Variants in TMEM132C observed in about 807,000 individuals in gnomAD.
TMEM132C encodes the protein transmembrane protein 132C, also known as protein phosphatase 1, regulatory subunit 152.
TMEM132C carries 29 observed loss-of-function variants against 61.4 expected under a neutral mutation model. That is an observed-to-expected ratio of 0.47 (90% CI 0.35 to 0.64). The LOEUF (loss-of-function observed/expected upper bound fraction) is 0.64, where lower values mean the gene tolerates loss of function less well. TMEM132C is among the 30% of genes least tolerant of loss of function. The pLI, the probability that TMEM132C is intolerant of heterozygous loss-of-function variation, is 0.00. For missense variants in TMEM132C, 1,408 were observed against 1,476.9 expected (o/e 0.95, Z 0.76); for synonymous variants, 656 against 633.1 (o/e 1.04, Z -0.54).
rs548409999 is a variant in TMEM132C, at chr12:128,559,076, A to G, written c.1121+14973A>G. ...TGCAGTTTAACACATACCTTTCCGA[A>G]AATATTTCATGCATATGCAAACACA... On this transcript the variant is annotated intron_variant, in intron 3 of 8. Transcript: ENST00000435159. 2.0e-5 allele frequency among the ~76,000 whole-genome samples: 3 copies of G among 151,140 alleles called. No homozygotes were observed. The East Asian group carries it at 5.8e-4, about 29-fold the overall frequency.
chr12:128,312,717 C>G lies in TMEM132C; in HGVS notation c.85+45230C>G, dbSNP rs554844157. On this transcript the variant is annotated intron_variant, in intron 1 of 8. Transcript: ENST00000435159. The stretch of plus-strand genomic sequence containing the variant: ...TGAGAGCATCCAGGAGAGTCCAACC[C>G]TGCCAACACCTTGATTTCAGACTTC... Among the ~76,000 whole-genome samples, 3 of 152,310 alleles carry G rather than the reference C, an allele frequency of 2.0e-5. No homozygotes were observed. The South Asian group carries it at 6.2e-4, about 32-fold the overall frequency.
chr12:128,609,291 C>A lies in TMEM132C; in HGVS notation c.1122-6861C>A, dbSNP rs990239222. Among the ~76,000 whole-genome samples, 91 of 144,536 alleles carry A rather than the reference C, an allele frequency of 6.3e-4. 8 individuals carry two copies. The highest frequency in any genetic ancestry group is 2.2e-3 in the African/African-American group (85 of 38,652). 94.8% of individuals were successfully genotyped at this position (144,536 alleles called of 152,430 possible). ...CCCCCACCTCCCTGCAACACTGTAG[C>A]CCCCGCCTCCCTGCAACCCTGCTAT... On this transcript the variant is annotated intron_variant, in intron 3 of 8. Transcript: ENST00000435159.
At chr12:128,309,590 G>C (rs944235307) in intron 1 of TMEM132C, among the ~76,000 whole-genome samples, 5 of 152,116 alleles carry the variant, frequency 3.3e-5, no homozygotes, top group African/African-American at 1.2e-4. Context: ...CAGTCTCTGT[G>C]AGTTTGCCTG....
At chr12:128,441,142 A>G (rs1869770520) in intron 2 of TMEM132C, among the ~76,000 whole-genome samples, 1 of 152,254 alleles carries the variant, frequency 6.6e-6, no homozygotes, top group Non-Finnish European at 1.5e-5. Flanking sequence ...TGTCACAAAG[A>G]AAGTCAGGCA....
intron 1 of TMEM132C, among the ~76,000 whole-genome samples, chr12:128,409,189 C>T (rs1197826011): frequency 6.6e-6 from 1 of 152,140 alleles, no homozygotes. Flanking sequence ...AGCATAAGCT[C>T]ATGGGGGATC....
At chr12:128,357,170 T>G (rs1873533791) in intron 1 of TMEM132C, among the ~76,000 whole-genome samples, 1 of 152,170 alleles carries the variant, frequency 6.6e-6, no homozygotes, top group African/African-American at 2.4e-5. Flanking sequence ...AGTATCGGGT[T>G]ACTTTGGGGA....
At chr12:128,372,194 G>A (rs7295647) in intron 1 of TMEM132C, among the ~76,000 whole-genome samples, 55 of 152,336 alleles carry the variant, frequency 3.6e-4, no homozygotes, top group African/African-American at 1.3e-3. Flanking sequence ...GAGAAACCAA[G>A]TCCTATGACA....
At chr12:128,325,893 C>T (rs943298303) in intron 1 of TMEM132C, among the ~76,000 whole-genome samples, 3 of 152,050 alleles carry the variant, frequency 2.0e-5, no homozygotes, top group African/African-American at 7.2e-5. Context: ...CTAGCAGTTT[C>T]CTTGAGTGCA....
chr12:128,615,590 A>G (rs116713569), intron 3 of TMEM132C, among the ~76,000 whole-genome samples: 3,465 of 152,180 alleles, frequency 0.023, 106 homozygotes, highest in African/African-American at 0.077. Context: ...TCATGCCCCT[A>G]TGAGAATCTA....
At chr12:128,606,593 C>G (rs1247480551) in intron 3 of TMEM132C, among the ~76,000 whole-genome samples, 1 of 152,232 alleles carries the variant, frequency 6.6e-6, no homozygotes, top group Non-Finnish European at 1.5e-5. Flanking sequence ...CAGACTTCCA[C>G]CTGGCTGTGG....
rs903073096 is a variant in TMEM132C, at chr12:128,278,527, C to T, written c.85+11040C>T. On this transcript the variant is annotated intron_variant, in intron 1 of 8. Coordinates refer to ENST00000435159, the MANE Select transcript of TMEM132C (RefSeq NM_001136103.3). The surrounding 1 kb of genome is among the most constrained non-coding windows in gnomAD (Gnocchi z 4.2). ...ACCCCAGCCTGTCTCCCTGCGGCAC[C>T]GATGCCATGGAGGTGACAGCTGGCA... Among the ~76,000 whole-genome samples, 2 of 152,124 alleles carry T rather than the reference C, an allele frequency of 1.3e-5. No homozygotes were observed. The highest frequency in any genetic ancestry group is 2.9e-5 in the Non-Finnish European group (2 of 68,008).
chr12:128,281,048 A>G (rs1029698170), intron 1 of TMEM132C, among the ~76,000 whole-genome samples: 1 of 152,186 alleles, frequency 6.6e-6, no homozygotes, highest in Non-Finnish European at 1.5e-5. Flanking sequence ...ACAGGAACAT[A>G]GAAGAGTCAT....
At chr12:128,464,480 G>A (rs966810056) in intron 2 of TMEM132C, among the ~76,000 whole-genome samples, 6 of 152,152 alleles carry the variant, frequency 3.9e-5, no homozygotes, top group Admixed American at 2.0e-4. Context: ...TAGCATGGTG[G>A]CTCACACCTG....
At chr12:128,281,590 C>T (rs1339675741) in intron 1 of TMEM132C, among the ~76,000 whole-genome samples, 3 of 152,256 alleles carry the variant, frequency 2.0e-5, no homozygotes, top group Non-Finnish European at 2.9e-5. Flanking sequence ...CTGTCCTGCT[C>T]TGAACCCTAG....
At chr12:128,613,235 T>C (rs1016464203) in intron 3 of TMEM132C, among the ~76,000 whole-genome samples, 17 of 152,176 alleles carry the variant, frequency 1.1e-4, no homozygotes, top group Non-Finnish European at 8.8e-5. Flanking sequence ...CCAGTACTGG[T>C]ACCCAGTGGC....
intron 1 of TMEM132C, among the ~76,000 whole-genome samples, chr12:128,352,704 T>C (rs999140441): frequency 1.3e-5 from 2 of 152,178 alleles, no homozygotes; most frequent in African/African-American, 2.4e-5. Context: ...TAGATTTGAT[T>C]TGTAGAACCT....
chr12:128,409,334 C>T (rs1868442361), intron 1 of TMEM132C, among the ~76,000 whole-genome samples: 1 of 152,068 alleles, frequency 6.6e-6, no homozygotes, highest in Non-Finnish European at 1.5e-5. Context: ...CCTGTGAGCC[C>T]CCAGTATTCA....
chr12:128,597,996 T>C (rs1207576852), intron 3 of TMEM132C, among the ~76,000 whole-genome samples: 1 of 152,182 alleles, frequency 6.6e-6, no homozygotes, highest in African/African-American at 2.4e-5. Flanking sequence ...AGGGAGAGGA[T>C]GCATCCAAGT....
intron 1 of TMEM132C, among the ~76,000 whole-genome samples, chr12:128,295,256 C>T (rs959122298): frequency 7.9e-5 from 12 of 152,098 alleles, no homozygotes; most frequent in East Asian, 1.9e-4. Context: ...ACCGCAGCCT[C>T]GAACTCCTGG....
Sources: allele counts gnomAD v4.1 joint callset (sites outside exome capture counted in the v4.1 genomes callset), GRCh38; gene constraint gnomAD v4.1.1; non-coding constraint Gnocchi (gnomAD v3.1); transcripts MANE v1.5; gene names NCBI Gene and HGNC (gene_info 2026-07-23, HGNC 2026-07-21).